The following GPC5 variants were observed in gnomAD, a reference collection of about 807,000 sequenced individuals.
The protein encoded by GPC5 is glypican 5.
In GPC5, 47 loss-of-function variants were observed where a neutral mutation model predicts 53.9. That is an observed-to-expected ratio of 0.87 (90% CI 0.69 to 1.11). The LOEUF is 1.11. Among genes scored for constraint, GPC5 ranks in the 50% most tolerant of loss-of-function variants. GPC5 has a pLI of 0.00. For synonymous variants in GPC5, 286 were observed against 263.3 expected (o/e 1.09, Z -0.84); for missense variants, 748 against 713.1 (o/e 1.05, Z -0.56).
rs575786279 is a variant in GPC5, at chr13:92,133,456, A to G, written c.1402-11374A>G. 1.3e-4 allele frequency among the ~76,000 whole-genome samples: 20 copies of G among 152,316 alleles called. 1 individual carries two copies. In the South Asian group the frequency reaches 4.1e-3, roughly 32 times the overall value. On this transcript the variant is annotated intron_variant, in intron 6 of 7. Coordinates refer to ENST00000377067, the MANE Select transcript of GPC5 (RefSeq NM_004466.6). ...AAAATGAATTCTGCATAGCTGGCTA[A>G]TGAAGGAAATCCAGATTTGTTGCCA...
chr13:92,522,624 G>C (rs1346940875), intron 7 of GPC5, among the ~76,000 whole-genome samples: 1 of 152,068 alleles, frequency 6.6e-6, no homozygotes, highest in African/African-American at 2.4e-5. Flanking sequence ...GTTGTGGGGT[G>C]GGGGAAGGGG....
chr13:92,476,395 C>T (rs1430753496), intron 7 of GPC5, among the ~76,000 whole-genome samples: 1 of 150,712 alleles, frequency 6.6e-6, no homozygotes, highest in African/African-American at 2.4e-5. Flanking sequence ...CAGGAAACAA[C>T]AGGTGCTGGA....
Position 92,318,838 on chromosome 13 carries a change from A to C in GPC5, c.1561+173849A>C, listed in dbSNP as rs1022255367. ...CCCCACTAATCTCTGAAATATTTGA[A>C]TAGAGGGTAGATGTGGATTTTTGGG... is the stretch of plus-strand genomic sequence containing the variant. On this transcript the variant is annotated intron_variant, in intron 7 of 7. Coordinates refer to ENST00000377067, the MANE Select transcript of GPC5 (RefSeq NM_004466.6). Among the ~76,000 whole-genome samples the C allele has an allele frequency of 2.0e-5, 3 of 152,142 alleles. No individual in the cohort carries two copies. The South Asian group carries it at 6.2e-4, about 31-fold the overall frequency.
chr13:92,855,074 T>C (rs1209212353), intron 7 of GPC5, among the ~76,000 whole-genome samples: 1 of 151,964 alleles, frequency 6.6e-6, no homozygotes, highest in East Asian at 1.9e-4. Context: ...AATGGGCATA[T>C]TTTGCTTCTA....
intron 5 of GPC5, among the ~76,000 whole-genome samples, chr13:91,832,300 C>CTTTTTTTTTTTT (rs55698516): frequency 8.1e-6 from 1 of 122,996 alleles, no homozygotes. Context: ...GCTTTTTTCT[C>CTTTTTTTTTTTT]TTTTTTTTTT....
intron 2 of GPC5, among the ~76,000 whole-genome samples, chr13:91,541,744 G>T (rs1017537537): frequency 1.3e-5 from 2 of 151,822 alleles, no homozygotes; most frequent in Non-Finnish European, 2.9e-5. Context: ...CTTAAATTAT[G>T]TTTTTGTTAA....
chr13:91,607,285 G>C (rs2033401084), intron 2 of GPC5, among the ~76,000 whole-genome samples: 1 of 152,170 alleles, frequency 6.6e-6, no homozygotes, highest in Non-Finnish European at 1.5e-5. Context: ...GTTGGATGTG[G>C]AGTTTGCTGA....
intron 2 of GPC5, among the ~76,000 whole-genome samples, chr13:91,653,688 T>C (rs1471489433): frequency 6.6e-6 from 1 of 152,090 alleles, no homozygotes; most frequent in Non-Finnish European, 1.5e-5. Flanking sequence ...CCCCTCTTTC[T>C]CCCTTCCTCT....
Position 91,693,878 on chromosome 13 carries a change from A to G in GPC5, c.1017A>G (p.Glu339=). The change falls in exon 3 of 8, where the codon GAA becomes GAG. Residue 339 remains glutamate (E), a synonymous_variant. Transcript: ENST00000377067. The part of the protein sequence containing the change: ...QAHLNGQKLL[E]QVNRICGRPV... ...ACCTCAATGGACAAAAATTATTGGAACAGGTAAGTAGGAGCTCCACATTTT... is the reference window on the plus strand; with the variant it reads ...ACCTCAATGGACAAAAATTATTGGAGCAGGTAAGTAGGAGCTCCACATTTT... 6.3e-7 allele frequency: 1 copy of G among 1,586,530 alleles called. No individual in the cohort carries two copies. Among genetic ancestry groups the G allele is most frequent in the Non-Finnish European group, 8.6e-7 (1 of 1,166,664 alleles).
intron 6 of GPC5, among the ~76,000 whole-genome samples, chr13:91,912,620 C>T (rs1049513299): frequency 6.6e-6 from 1 of 152,034 alleles, no homozygotes; most frequent in African/African-American, 2.4e-5. Context: ...AATACTTTTC[C>T]GTGGCATTAA....
At chr13:92,203,572 G>A (rs1422868372) in intron 7 of GPC5, among the ~76,000 whole-genome samples, 1 of 141,408 alleles carries the variant, frequency 7.1e-6, no homozygotes, top group Non-Finnish European at 1.5e-5. Flanking sequence ...CACCAGCATG[G>A]CACATGTATA....
intron 2 of GPC5, among the ~76,000 whole-genome samples, chr13:91,611,336 T>C (rs2033542577): frequency 6.6e-6 from 1 of 152,218 alleles, no homozygotes; most frequent in Admixed American, 6.5e-5. Context: ...CAATGTTCTT[T>C]GCCCAAGGTC....
chr13:92,318,276 CCA>C (rs2043193019), intron 7 of GPC5, among the ~76,000 whole-genome samples: 1 of 152,118 alleles, frequency 6.6e-6, no homozygotes, highest in Non-Finnish European at 1.5e-5. Flanking sequence ...TTAGAACACA[CCA>C]CACACCTGAA....
chr13:92,719,390 T>C (rs1031382668), intron 7 of GPC5, among the ~76,000 whole-genome samples: 2 of 152,200 alleles, frequency 1.3e-5, no homozygotes, highest in African/African-American at 4.8e-5. Context: ...TTTCCCATTA[T>C]GGGCGTTTTA....
At chr13:92,152,644 C>A (rs533090831) in intron 7 of GPC5, among the ~76,000 whole-genome samples, 1 of 150,674 alleles carries the variant, frequency 6.6e-6, no homozygotes, top group Non-Finnish European at 1.5e-5. Context: ...GAGACTGAGG[C>A]AGGAGAATGG....
At chr13:91,513,395 A>G (rs747853038) in intron 2 of GPC5, among the ~76,000 whole-genome samples, 1 of 149,890 alleles carries the variant, frequency 6.7e-6, no homozygotes, top group Non-Finnish European at 1.5e-5. Flanking sequence ...GTTGTGTGCA[A>G]TTTTATCACA....
At chr13:92,290,720 G>A (rs922200875) in intron 7 of GPC5, among the ~76,000 whole-genome samples, 6 of 152,130 alleles carry the variant, frequency 3.9e-5, no homozygotes, top group African/African-American at 1.2e-4. Context: ...AGGTGACAGC[G>A]TGCTGGCAGT....
chr13:92,230,122 G>T (rs1015160324), intron 7 of GPC5, among the ~76,000 whole-genome samples: 7 of 152,124 alleles, frequency 4.6e-5, no homozygotes, highest in Non-Finnish European at 8.8e-5. Context: ...AGCAGATGTG[G>T]TCTTGTGTGA....
At chr13:92,102,805 A>G (rs2041477838) in intron 6 of GPC5, among the ~76,000 whole-genome samples, 1 of 152,176 alleles carries the variant, frequency 6.6e-6, no homozygotes, top group South Asian at 2.1e-4. Context: ...TCTTTCTTGT[A>G]AAGGATAAAG....
Sources: gnomAD v4.1 joint callset for allele counts (sites outside exome capture counted in the v4.1 genomes callset) on GRCh38, gnomAD v4.1.1 for gene constraint, MANE v1.5 for transcripts, NCBI Gene and HGNC (gene_info 2026-07-23, HGNC 2026-07-21) for gene names.